KATNAL1: variants seen among roughly 807,000 people sequenced by gnomAD.
The protein encoded by KATNAL1 is katanin p60 ATPase-containing subunit A-like 1.
A neutral mutation model predicts 55.2 loss-of-function variants in KATNAL1; 32 were observed. The ratio of observed to expected loss-of-function variants is 0.58; its 90% CI spans 0.44 to 0.78. The LOEUF is 0.78. Ranked by LOEUF, KATNAL1 falls within the 30% of genes least tolerant of loss-of-function variation. KATNAL1 has a pLI of 0.00. For synonymous variants in KATNAL1, 193 were observed against 193.6 expected (o/e 1.00, Z 0.02); for missense variants, 466 against 600.9 (o/e 0.78, Z 2.35).
chr13:30,294,076 G>A (rs990354398), intron 1 of KATNAL1, among the ~76,000 whole-genome samples: 1 of 152,032 alleles, frequency 6.6e-6, no homozygotes, highest in Non-Finnish European at 1.5e-5. Context: ...TTCTCCTCGG[G>A]CCTCCTTTTC....
At chr13:30,224,448 C>G (rs1241866892) in intron 9 of KATNAL1, among the ~76,000 whole-genome samples, 1 of 151,448 alleles carries the variant, frequency 6.6e-6, no homozygotes, top group Non-Finnish European at 1.5e-5. Context: ...GTGGGAGGAT[C>G]TGTTGATCCC....
intron 2 of KATNAL1, among the ~76,000 whole-genome samples, chr13:30,283,066 A>C (rs1470927103): frequency 6.6e-6 from 1 of 151,742 alleles, no homozygotes; most frequent in East Asian, 1.9e-4. Flanking sequence ...TCAGGAATTC[A>C]AGACCAGCCT....
intron 9 of KATNAL1, among the ~76,000 whole-genome samples, chr13:30,224,662 T>C (rs375711085): frequency 6.6e-6 from 1 of 151,792 alleles, no homozygotes; most frequent in Non-Finnish European, 1.5e-5. Flanking sequence ...GAAGAAATCA[T>C]TGAAATAGAA....
chr13:30,230,418 C>A (rs752191417), intron 8 of KATNAL1, 50 bp downstream of exon 8: 10 of 1,557,744 alleles, frequency 6.4e-6, no homozygotes, highest in African/African-American at 1.4e-5. Flanking sequence ...TGAGTTTACA[C>A]AAAATATTTA....
intron 3 of KATNAL1, among the ~76,000 whole-genome samples, chr13:30,273,283 C>T (rs980741745): frequency 6.6e-6 from 1 of 152,212 alleles, no homozygotes; most frequent in African/African-American, 2.4e-5. Context: ...TCTTCTGCTC[C>T]TCTCTCTGCG....
chr13:30,264,939 C>T (rs1161901045), intron 3 of KATNAL1, among the ~76,000 whole-genome samples: 3 of 146,148 alleles, frequency 2.1e-5, no homozygotes, highest in Non-Finnish European at 4.5e-5. Context: ...TTTATTGCGG[C>T]ATTATTCACA....
intron 1 of KATNAL1, among the ~76,000 whole-genome samples, chr13:30,288,756 A>T (rs1566131256): frequency 6.6e-6 from 1 of 152,240 alleles, no homozygotes; most frequent in Non-Finnish European, 1.5e-5. Flanking sequence ...TTTGCAATAA[A>T]GCCTTACAAC....
intron 6 of KATNAL1, among the ~76,000 whole-genome samples, chr13:30,237,780 A>T (rs1449091510): frequency 1.3e-5 from 2 of 152,202 alleles, no homozygotes; most frequent in Admixed American, 1.3e-4. Flanking sequence ...GCTCCTACTG[A>T]ACTTTCAACA....
intron 3 of KATNAL1, among the ~76,000 whole-genome samples, chr13:30,256,889 C>T (rs1878843302): frequency 6.6e-6 from 1 of 152,118 alleles, no homozygotes; most frequent in Admixed American, 6.5e-5. Context: ...TACTGAGGCA[C>T]CCATTAGGTG....
chr13:30,270,404 AC>A (rs1442854248), intron 3 of KATNAL1, among the ~76,000 whole-genome samples: 1 of 151,106 alleles, frequency 6.6e-6, no homozygotes, highest in Non-Finnish European at 1.5e-5. Flanking sequence ...CCCGGCCACC[AC>A]CCCGTCTGGG....
At position 30,231,452 on chromosome 13, in the gene KATNAL1, G is replaced by A. The variant is rs928253626; in HGVS notation, c.747C>T (p.Pro249=). The A allele has an allele frequency of 6.3e-7, 1 of 1,574,862 alleles. No individual in the cohort carries two copies. The highest frequency in any genetic ancestry group is 1.4e-5 in the African/African-American group (1 of 73,656). ...RPWKGVLMVG[P]PGTGKTMLAK... ...CTAGCATAGTTTTACCAGTGCCTGG[G>A]GGTCCAACCATCAGTACACCCTGAA... The change falls in exon 7 of 11, where the codon CCC becomes CCT. Residue 249 remains proline (P), a synonymous_variant. Coordinates refer to ENST00000380615, the MANE Select transcript of KATNAL1 (RefSeq NM_032116.5).
At chr13:30,257,559 GCCT>G (rs3041575) in intron 3 of KATNAL1, among the ~76,000 whole-genome samples, 12,156 of 152,150 alleles carry the variant, frequency 0.08, 783 homozygotes, top group East Asian at 0.33. Context: ...CATTCCTTCT[GCCT>G]CCTCAGCTTG....
chr13:30,220,334 GCCTGTAAT>G (rs1444345661), intron 9 of KATNAL1, among the ~76,000 whole-genome samples: 1 of 151,966 alleles, frequency 6.6e-6, no homozygotes, highest in African/African-American at 2.4e-5. Flanking sequence ...GGGGTCGTGT[GCCTGTAAT>G]CCTGGCTACT....
chr13:30,294,761 T>C (rs1351359775), intron 1 of KATNAL1, among the ~76,000 whole-genome samples: 2 of 152,210 alleles, frequency 1.3e-5, no homozygotes, highest in Non-Finnish European at 2.9e-5. Context: ...GTTCAAAGCC[T>C]TAAAGGACAG....
At chr13:30,234,250 T>A (rs1390688063) in intron 6 of KATNAL1, among the ~76,000 whole-genome samples, 1 of 152,198 alleles carries the variant, frequency 6.6e-6, no homozygotes, top group African/African-American at 2.4e-5. Flanking sequence ...AAAAATTCCT[T>A]CACTTGACTC....
intron 3 of KATNAL1, among the ~76,000 whole-genome samples, chr13:30,278,345 G>C (rs1003984140): frequency 5.9e-5 from 9 of 151,302 alleles, no homozygotes; most frequent in African/African-American, 2.2e-4. Flanking sequence ...TACAAAGAAA[G>C]GAGAATCAGA....
At chr13:30,240,068 A>C (rs17589650) in intron 6 of KATNAL1, among the ~76,000 whole-genome samples, 3,254 of 152,282 alleles carry the variant, frequency 0.021, 46 homozygotes, top group Non-Finnish European at 0.033. Context: ...AAAACAAAAT[A>C]ATTAACCATC....
chr13:30,246,527 C>T (rs1877812330), intron 4 of KATNAL1, among the ~76,000 whole-genome samples: 1 of 152,112 alleles, frequency 6.6e-6, no homozygotes, highest in Non-Finnish European at 1.5e-5. Context: ...GCAACAAAAG[C>T]CGAAATTGAC....
intron 6 of KATNAL1, among the ~76,000 whole-genome samples, chr13:30,233,161 C>A (rs774468879): frequency 6.6e-6 from 1 of 151,874 alleles, no homozygotes; most frequent in Non-Finnish European, 1.5e-5. Flanking sequence ...AAGGAAACAA[C>A]AAAGAGACAC....
Sources: gnomAD v4.1 joint callset for allele counts (sites outside exome capture counted in the v4.1 genomes callset) on GRCh38, gnomAD v4.1.1 for gene constraint, MANE v1.5 for transcripts, NCBI Gene and HGNC (gene_info 2026-07-23, HGNC 2026-07-21) for gene names.